The following GRIK2 variants were observed in gnomAD, a reference collection of about 807,000 sequenced individuals.
The protein encoded by GRIK2 is glutamate ionotropic receptor kainate type subunit 2, also known as glutamate receptor ionotropic, kainate 2.
In GRIK2, 32 loss-of-function variants were observed where a neutral mutation model predicts 100.3. The observed-to-expected ratio is 0.32, with a 90% CI of 0.24 to 0.43. GRIK2 has a LOEUF of 0.43. Ranked by LOEUF, GRIK2 falls within the 20% of genes least tolerant of loss-of-function variation. The pLI is 1.00. For synonymous variants in GRIK2, 417 were observed against 389.4 expected (o/e 1.07, Z -0.83); for missense variants, 843 against 1,114.9 (o/e 0.76, Z 3.47).
chr6:101,430,856 G>T (rs569706706), intron 2 of GRIK2: 2 of 327,936 alleles, frequency 6.1e-6, no homozygotes, highest in South Asian at 7.2e-5. Flanking sequence ...CCTTGATGTC[G>T]CGCACTATCT....
intron 7 of GRIK2, among the ~76,000 whole-genome samples, chr6:101,755,846 G>C (rs1469618431): frequency 1.3e-5 from 2 of 152,114 alleles, no homozygotes; most frequent in Admixed American, 1.3e-4. Context: ...TGACAGAACT[G>C]ATTTATATAG....
At chr6:101,444,113 C>T (rs1770237955) in intron 2 of GRIK2, among the ~76,000 whole-genome samples, 1 of 151,730 alleles carries the variant, frequency 6.6e-6, no homozygotes, top group African/African-American at 2.4e-5. Context: ...GAGACGGGGT[C>T]TTGCTCTGTT....
chr6:101,945,910 G>GTTTTTTTTTTTTTT (rs66532199), intron 14 of GRIK2, among the ~76,000 whole-genome samples: 1 of 131,432 alleles, frequency 7.6e-6, no homozygotes, highest in Non-Finnish European at 1.7e-5. Context: ...TCTATCTACT[G>GTTTTTTTTTTTTTT]TTTTTTTTTT....
intron 2 of GRIK2, among the ~76,000 whole-genome samples, chr6:101,503,220 G>C (rs1773855950): frequency 6.6e-6 from 1 of 152,102 alleles, no homozygotes; most frequent in Non-Finnish European, 1.5e-5. Flanking sequence ...GTTTAGCATA[G>C]AGATAAATAC....
intron 2 of GRIK2, chr6:101,430,769 G>A (rs948340240): frequency 5.1e-5 from 12 of 234,492 alleles, no homozygotes; most frequent in African/African-American, 2.5e-4. Flanking sequence ...TCAGCAACTA[G>A]CTCCTTTCCA....
intron 2 of GRIK2, among the ~76,000 whole-genome samples, chr6:101,422,762 A>G (rs1582414288): frequency 6.6e-6 from 1 of 152,176 alleles, no homozygotes; most frequent in Non-Finnish European, 1.5e-5. Flanking sequence ...TGAAAAATCA[A>G]ATGACATGAT....
At chr6:101,900,338 CCTGTAATCCCAGCTACTAGGG>C in intron 12 of GRIK2, among the ~76,000 whole-genome samples, 1 of 152,166 alleles carries the variant, frequency 6.6e-6, no homozygotes, top group Non-Finnish European at 1.5e-5. Context: ...GTGGCACATG[CCTGTAATCCCAGCTACTAGGG>C]AGGCTGAGGC....
intron 7 of GRIK2, among the ~76,000 whole-genome samples, chr6:101,763,826 TTTTTTTG>T (rs994446745): frequency 1.1e-3 from 160 of 143,842 alleles, no homozygotes; most frequent in African/African-American, 4.5e-3. Flanking sequence ...AGGCCATGCG[TTTTTTTG>T]TTTTTTTGTT....
chr6:101,506,351 C>T (rs1453148514), intron 2 of GRIK2, among the ~76,000 whole-genome samples: 1 of 152,140 alleles, frequency 6.6e-6, no homozygotes, highest in East Asian at 1.9e-4. Flanking sequence ...TCCATATCCT[C>T]CTCATTGCCT....
rs574991425 is a variant in GRIK2 at position 101,963,508 on chromosome 6, TC to T, written c.2085+34877del. On this transcript the variant is annotated intron_variant, in intron 14 of 16. Transcript: ENST00000369134. Reference sequence around the variant, plus strand: ...TTTTTTCTCTTTTTCTTTCTTTCTTTCTTTTTTTTTTTTTTTTGTATTTTTA... The same window carrying T: ...TTTTTTCTCTTTTTCTTTCTTTCTTTTTTTTTTTTTTTTTTTGTATTTTTA... Among the ~76,000 whole-genome samples the T allele has an allele frequency of 5.6e-5, 5 of 88,730 alleles. No individual in the cohort carries two copies. The South Asian group carries it at 2.1e-3, about 37-fold the overall frequency. The allele number at this position is 88,730 out of a possible 152,430, so 58.2% of individuals were successfully genotyped here. A position where few individuals can be genotyped will look rare whatever the true frequency, so the allele number is the denominator to read the frequency against.
intron 7 of GRIK2, among the ~76,000 whole-genome samples, chr6:101,714,656 CACAA>C (rs1365479068): frequency 3.3e-5 from 5 of 151,732 alleles, no homozygotes; most frequent in African/African-American, 1.2e-4. Flanking sequence ...TAAGTTTTAT[CACAA>C]ACAATGTCTA....
chr6:101,565,697 A>G (rs1253960480), intron 2 of GRIK2, among the ~76,000 whole-genome samples: 1 of 151,758 alleles, frequency 6.6e-6, no homozygotes, highest in Non-Finnish European at 1.5e-5. Context: ...TCAGAAATCC[A>G]TATGCAGTTG....
chr6:101,736,581 C>A (rs980976032), intron 7 of GRIK2, among the ~76,000 whole-genome samples: 1 of 152,156 alleles, frequency 6.6e-6, no homozygotes, highest in South Asian at 2.1e-4. Context: ...CCCTTTCAGC[C>A]GTGGCTAGAG....
intron 11 of GRIK2, among the ~76,000 whole-genome samples, chr6:101,867,727 T>C (rs552080150): frequency 6.6e-6 from 1 of 151,566 alleles, no homozygotes; most frequent in South Asian, 2.1e-4. Flanking sequence ...TCTCATGCAG[T>C]TCCAAAATTA....
At chr6:101,680,706 A>C (rs957217487) in intron 5 of GRIK2, among the ~76,000 whole-genome samples, 5 of 152,202 alleles carry the variant, frequency 3.3e-5, no homozygotes, top group Non-Finnish European at 7.3e-5. Flanking sequence ...ATTGCCAAGC[A>C]TAATATTGAG....
intron 10 of GRIK2, among the ~76,000 whole-genome samples, chr6:101,826,990 C>T (rs1342995736): frequency 6.6e-6 from 1 of 152,054 alleles, no homozygotes; most frequent in Non-Finnish European, 1.5e-5. Flanking sequence ...ACTACAATTT[C>T]CAGTAAGTAA....
intron 2 of GRIK2, among the ~76,000 whole-genome samples, chr6:101,592,588 CATATATATATATATATATATATAT>C (rs3056161): frequency 1.8e-4 from 18 of 101,956 alleles, no homozygotes; most frequent in South Asian, 1.3e-3. Context: ...ACTAATATCA[CATATATATATATATATATATATAT>C]ATATATATAT....
At chr6:101,667,906 G>A (rs1180723865) in intron 4 of GRIK2, among the ~76,000 whole-genome samples, 1 of 152,126 alleles carries the variant, frequency 6.6e-6, no homozygotes, top group Non-Finnish European at 1.5e-5. Flanking sequence ...TCTTGGCACA[G>A]TGCTTCATTT....
At chr6:101,468,329 G>A (rs1235163026) in intron 2 of GRIK2, among the ~76,000 whole-genome samples, 1 of 152,082 alleles carries the variant, frequency 6.6e-6, no homozygotes, top group African/African-American at 2.4e-5. Context: ...TTTCACTAAT[G>A]CTTATCTTCA....
Sources: gnomAD v4.1 joint callset for allele counts (sites outside exome capture counted in the v4.1 genomes callset) on GRCh38, gnomAD v4.1.1 for gene constraint, MANE v1.5 for transcripts, NCBI Gene and HGNC (gene_info 2026-07-23, HGNC 2026-07-21) for gene names.